The following UBE4B variants were observed in gnomAD, a reference collection of about 807,000 sequenced individuals.
UBE4B encodes ubiquitin conjugation factor E4 B.
Under a neutral mutation model 148.1 loss-of-function variants are expected in UBE4B, and 27 were observed. That is an observed-to-expected ratio of 0.18 (90% confidence interval 0.13 to 0.25). The LOEUF is 0.25. Ranked by LOEUF, UBE4B falls within the 10% of genes least tolerant of loss-of-function variation. UBE4B has a pLI of 1.00. For synonymous variants in UBE4B, 596 were observed against 619.3 expected (o/e 0.96, Z 0.56); for missense variants, 1,170 against 1,662.4 (o/e 0.70, Z 5.15).
intron 9 of UBE4B, 60 bp from the exon 10 acceptor site, chr1:10,121,902 T>G: frequency 8.9e-7 from 1 of 1,117,744 alleles, no homozygotes; most frequent in African/African-American, 1.6e-5. Flanking sequence ...GACATGACAT[T>G]TCACGTGCCT....
In UBE4B at chr1:10,146,959, A is replaced by G; in HGVS notation, c.2464-4A>G. ...TTTGGGTGGGGACATCCCTGCTTCC[A>G]CAGAAACTGGTACGGTGCAAGGCCT... is the stretch of plus-strand genomic sequence containing the variant. On this transcript the variant is annotated splice_polypyrimidine_tract_variant and splice_region_variant and intron_variant, in intron 18 of 27. Transcript: ENST00000343090. 4 of 1,613,488 alleles carry G rather than the reference A, an allele frequency of 2.5e-6. No individual in the cohort carries two copies. The highest frequency in any genetic ancestry group is 3.4e-6 in the Non-Finnish European group (4 of 1,179,602).
intron 2 of UBE4B, among the ~76,000 whole-genome samples, chr1:10,088,815 A>G (rs1644801937): frequency 6.6e-6 from 1 of 151,976 alleles, no homozygotes; most frequent in Non-Finnish European, 1.5e-5. Flanking sequence ...AGTAGCTGGG[A>G]CTACAGGCTT....
At chr1:10,136,170 C>A (rs1645679653) in intron 16 of UBE4B, among the ~76,000 whole-genome samples, 1 of 152,042 alleles carries the variant, frequency 6.6e-6, no homozygotes, top group African/African-American at 2.4e-5. Flanking sequence ...CAGTAAGGAA[C>A]ATCACCAAAG....
At chr1:10,170,198 G>A (rs545134468) in intron 24 of UBE4B, among the ~76,000 whole-genome samples, 1 of 152,078 alleles carries the variant, frequency 6.6e-6, no homozygotes, top group East Asian at 1.9e-4. Context: ...AAACCTTTAA[G>A]GTTTGCATTT....
chr1:10,086,547 A>G (rs905269570), intron 2 of UBE4B, among the ~76,000 whole-genome samples: 1 of 152,120 alleles, frequency 6.6e-6, no homozygotes, highest in Non-Finnish European at 1.5e-5. Context: ...TATAATTTAC[A>G]TTTGTTTGTT....
intron 1 of UBE4B, among the ~76,000 whole-genome samples, chr1:10,053,371 G>A (rs531287595): frequency 1.3e-5 from 2 of 151,804 alleles, no homozygotes; most frequent in East Asian, 1.9e-4. Context: ...GGGTAGTCTC[G>A]ATCTCCTGAC....
At chr1:10,082,380 A>G (rs1644696839) in intron 2 of UBE4B, among the ~76,000 whole-genome samples, 1 of 152,086 alleles carries the variant, frequency 6.6e-6, no homozygotes, top group African/African-American at 2.4e-5. Flanking sequence ...GCGCACCTGT[A>G]GGCCCAGCTA....
At chr1:10,073,744 ACAT>A (rs1318475154) in intron 2 of UBE4B, among the ~76,000 whole-genome samples, 1 of 151,688 alleles carries the variant, frequency 6.6e-6, no homozygotes, top group Non-Finnish European at 1.5e-5. Flanking sequence ...AACAACAACA[ACAT>A]CAAATTCATG....
chr1:10,136,354 C>T (rs1251343132), intron 16 of UBE4B, among the ~76,000 whole-genome samples: 1 of 151,974 alleles, frequency 6.6e-6, no homozygotes, highest in Non-Finnish European at 1.5e-5. Context: ...CCTGTGTTCC[C>T]AGCCACCCAG....
intron 2 of UBE4B, among the ~76,000 whole-genome samples, chr1:10,094,685 C>G (rs932028521): frequency 2.6e-5 from 4 of 152,042 alleles, no homozygotes; most frequent in African/African-American, 9.7e-5. Flanking sequence ...TCACCCGCCT[C>G]GACCTCCCAA....
chr1:10,127,726 A>G (rs570914663), intron 11 of UBE4B, among the ~76,000 whole-genome samples: 2 of 152,318 alleles, frequency 1.3e-5, no homozygotes, highest in East Asian at 3.9e-4. Flanking sequence ...TTCATTACTG[A>G]CGATCTGTTC....
In UBE4B at chr1:10,106,175, C is replaced by T; in HGVS notation, c.810-22C>T. The stretch of plus-strand genomic sequence containing the variant: ...TTTTCTTTGATTTTTCTCTTCTTTC[C>T]TCCCTTTCTCAACTAATTTAGCCTC... On this transcript the variant is annotated intron_variant, in intron 6 of 27. Coordinates refer to ENST00000343090, the MANE Select transcript of UBE4B (RefSeq NM_001105562.3). The surrounding 1 kb of genome is among the most constrained non-coding windows in gnomAD (Gnocchi z 4.2). 6 of 1,535,516 alleles carry T rather than the reference C, an allele frequency of 3.9e-6. No individual in the cohort carries two copies. Among genetic ancestry groups the T allele is most frequent in the Admixed American group, 2.2e-5 (1 of 46,402 alleles).
intron 21 of UBE4B, among the ~76,000 whole-genome samples, chr1:10,157,083 T>G (rs1166624299): frequency 5.3e-5 from 8 of 152,336 alleles, no homozygotes; most frequent in Middle Eastern, 3.4e-3. Flanking sequence ...TGGCATGATC[T>G]TGGCTCACTG....
chr1:10,069,974 C>G lies in UBE4B; in HGVS notation c.25-2054C>G, dbSNP rs180972857. Among the ~76,000 whole-genome samples the G allele has an allele frequency of 5.3e-5, 8 of 152,128 alleles. No individual in the cohort carries two copies. In the East Asian group the frequency reaches 1.5e-3, roughly 29 times the overall value. On this transcript the variant is annotated intron_variant, in intron 1 of 27. Transcript: ENST00000343090. ...AGCATGAACTCCTAAATTTAGCTGT[C>G]TGTAAGATAATGAAACTTGGCCCGG...
At chr1:10,162,096 T>C (rs1000427283) in intron 23 of UBE4B, among the ~76,000 whole-genome samples, 16 of 152,062 alleles carry the variant, frequency 1.1e-4, no homozygotes, top group African/African-American at 3.9e-4. Flanking sequence ...CTTCTCCGGT[T>C]GAAGCGATTT....
intron 1 of UBE4B, among the ~76,000 whole-genome samples, chr1:10,055,731 T>C (rs771390590): frequency 1.4e-4 from 22 of 152,132 alleles, no homozygotes; most frequent in Non-Finnish European, 2.4e-4. Context: ...ACCAGCCTGG[T>C]CAACATGGTG....
chr1:10,054,984 C>A lies in UBE4B; in HGVS notation c.25-17044C>A, dbSNP rs541322811. Among the ~76,000 whole-genome samples the A allele has an allele frequency of 7.9e-5, 12 of 152,124 alleles. No homozygotes were observed. In the East Asian group the frequency reaches 1.4e-3, roughly 17 times the overall value. On this transcript the variant is annotated intron_variant, in intron 1 of 27. Coordinates refer to ENST00000343090, the MANE Select transcript of UBE4B (RefSeq NM_001105562.3). The stretch of plus-strand genomic sequence containing the variant: ...TATTTTTAATAGAGATGGGGTTTCT[C>A]CATGTTGGTCAGGCTGGGCTTGAAC...
intron 1 of UBE4B, among the ~76,000 whole-genome samples, chr1:10,068,443 G>A (rs1419565338): frequency 2.7e-5 from 4 of 149,886 alleles, no homozygotes; most frequent in Non-Finnish European, 3.0e-5. Flanking sequence ...TCCTCCTCCC[G>A]GGTTGAAGTG....
At chr1:10,130,083 C>T (rs988729484) in intron 12 of UBE4B, among the ~76,000 whole-genome samples, 2 of 151,824 alleles carry the variant, frequency 1.3e-5, no homozygotes, top group African/African-American at 4.8e-5. Context: ...CTTAAACATT[C>T]TTTTTTTTGA....
Sources: allele counts gnomAD v4.1 joint callset (sites outside exome capture counted in the v4.1 genomes callset), GRCh38; gene constraint gnomAD v4.1.1; non-coding constraint Gnocchi (gnomAD v3.1); transcripts MANE v1.5; gene names NCBI Gene and HGNC (gene_info 2026-07-23, HGNC 2026-07-21).